The following PTPRN2 variants were observed in gnomAD, a reference collection of about 807,000 sequenced individuals.
PTPRN2 encodes protein tyrosine phosphatase receptor type N2.
Under a neutral mutation model 118.8 loss-of-function variants are expected in PTPRN2, and 74 were observed. That is an observed-to-expected ratio of 0.62 (90% CI 0.52 to 0.76). The LOEUF (loss-of-function observed/expected upper bound fraction) is 0.76, where lower values mean the gene tolerates loss of function less well. Among genes scored for constraint, PTPRN2 ranks in the 30% least tolerant of loss-of-function variants. The probability of loss-of-function intolerance (pLI) is 0.00; values close to 1 mark genes in which losing one functional copy is unlikely to be tolerated. For synonymous variants in PTPRN2, 641 were observed against 608.0 expected (o/e 1.05, Z -0.80); for missense variants, 1,481 against 1,394.4 (o/e 1.06, Z -0.99).
intron 5 of PTPRN2, among the ~76,000 whole-genome samples, chr7:158,170,801 G>T (rs961788639): frequency 2.0e-5 from 3 of 152,102 alleles, no homozygotes; most frequent in African/African-American, 7.2e-5. Flanking sequence ...CTCTGGAGCT[G>T]CCTGGGTTTA....
rs1584919503 is a variant in PTPRN2 at position 157,871,549 on chromosome 7, A to G, written c.1788+27124T>C. Reference sequence around the variant, plus strand: ...CAATGGCATTTGTCTCTATTGGCCGACACCACCCCAGGGCCCCTGAAGAGC... The same window carrying G: ...CAATGGCATTTGTCTCTATTGGCCGGCACCACCCCAGGGCCCCTGAAGAGC... On this transcript the variant is annotated intron_variant, in intron 12 of 22. Coordinates refer to ENST00000389418, the MANE Select transcript of PTPRN2 (RefSeq NM_002847.5). Among the ~76,000 whole-genome samples the G allele has an allele frequency of 2.0e-5, 3 of 152,106 alleles. 1 individual carries two copies. The highest frequency in any genetic ancestry group is 1.3e-4 in the Admixed American group (2 of 15,286).
intron 12 of PTPRN2, among the ~76,000 whole-genome samples, chr7:157,694,030 G>GCCTA (rs1340770791): frequency 6.6e-6 from 1 of 152,280 alleles, no homozygotes; most frequent in Admixed American, 6.5e-5. Flanking sequence ...GCAAGGCGGA[G>GCCTA]CCTAGTACAG....
Position 157,560,646 on chromosome 7 carries a change from C to A in PTPRN2, c.2902+8256G>T, listed in dbSNP as rs1247172398. 6.6e-6 allele frequency among the ~76,000 whole-genome samples: 1 copy of A among 152,184 alleles called. No homozygotes were observed. The highest frequency in any genetic ancestry group is 1.5e-5 in the Non-Finnish European group (1 of 68,030). On this transcript the variant is annotated intron_variant, in intron 21 of 22. Transcript: ENST00000389418. The surrounding 1 kb of genome is among the most constrained non-coding windows in gnomAD (Gnocchi z 6.7). ...AATAAACAACACACAGCAGAGGAGGCCCTGCTCCTGCCCGACCGAAGGCAA... is the reference window on the plus strand; with the variant it reads ...AATAAACAACACACAGCAGAGGAGGACCTGCTCCTGCCCGACCGAAGGCAA...
intron 9 of PTPRN2, among the ~76,000 whole-genome samples, chr7:158,122,393 A>G (rs1159161695): frequency 2.0e-5 from 3 of 152,188 alleles, no homozygotes; most frequent in Non-Finnish European, 4.4e-5. Context: ...AAGAAGTGAC[A>G]GTGTCCCTCT....
chr7:158,258,193 C>A (rs527681466), intron 3 of PTPRN2, among the ~76,000 whole-genome samples: 1 of 152,196 alleles, frequency 6.6e-6, no homozygotes, highest in Non-Finnish European at 1.5e-5. Context: ...GGAGCATTCC[C>A]GACGTCCACA....
chr7:158,130,664 TAC>T (rs369655224), intron 9 of PTPRN2, among the ~76,000 whole-genome samples: 53 of 129,310 alleles, frequency 4.1e-4, no homozygotes, highest in Middle Eastern at 5.3e-3. Flanking sequence ...ACCTGACTCA[TAC>T]ACACACACGT....
intron 11 of PTPRN2, among the ~76,000 whole-genome samples, chr7:157,956,285 G>A (rs76085049): frequency 6.6e-6 from 1 of 152,142 alleles, no homozygotes; most frequent in Non-Finnish European, 1.5e-5. Context: ...ACATCTGGAG[G>A]GGGAGGCTGG....
intron 11 of PTPRN2, among the ~76,000 whole-genome samples, chr7:158,072,175 A>G (rs1811993556): frequency 1.3e-5 from 2 of 151,626 alleles, no homozygotes; most frequent in Non-Finnish European, 2.9e-5. Flanking sequence ...GGTTCTGCTG[A>G]CCAGCGTGCA....
intron 12 of PTPRN2, among the ~76,000 whole-genome samples, chr7:157,895,267 A>G (rs1797044812): frequency 6.6e-6 from 1 of 151,612 alleles, no homozygotes; most frequent in Non-Finnish European, 1.5e-5. Flanking sequence ...GAGACCATAA[A>G]ATAAGCCAGA....
At chr7:158,586,345 G>A (rs1234090442) in intron 1 of PTPRN2, among the ~76,000 whole-genome samples, 1 of 152,218 alleles carries the variant, frequency 6.6e-6, no homozygotes, top group Non-Finnish European at 1.5e-5. Context: ...GGATTTTGAC[G>A]ATAAAGCACT....
intron 6 of PTPRN2, among the ~76,000 whole-genome samples, chr7:158,152,179 A>AAAAAC (rs1821258266): frequency 6.7e-6 from 1 of 149,916 alleles, no homozygotes. Flanking sequence ...GTCTCAAAAA[A>AAAAAC]AAAAAAAAAA....
intron 21 of PTPRN2, among the ~76,000 whole-genome samples, chr7:157,554,363 T>C (rs221278): frequency 0.87 from 7,338 of 8,412 alleles, 3,260 homozygotes; most frequent in Middle Eastern, 0.97. Flanking sequence ...GGCCGGGCGC[T>C]GGATCCTGCC....
At chr7:158,115,224 A>C (rs2150379468) in intron 9 of PTPRN2, among the ~76,000 whole-genome samples, 1 of 152,300 alleles carries the variant, frequency 6.6e-6, no homozygotes, top group East Asian at 1.9e-4. Context: ...CCCTGGATAA[A>C]GAACAGGTTG....
At position 157,768,537 on chromosome 7, in the gene PTPRN2, G is replaced by A. The variant is rs542133769; in HGVS notation, c.1789-85600C>T. Among the ~76,000 whole-genome samples the A allele has an allele frequency of 4.6e-5, 7 of 152,306 alleles. No homozygotes were observed. The East Asian group carries it at 1.4e-3, about 29-fold the overall frequency. On this transcript the variant is annotated intron_variant, in intron 12 of 22. Coordinates refer to ENST00000389418, the MANE Select transcript of PTPRN2 (RefSeq NM_002847.5). The stretch of plus-strand genomic sequence containing the variant: ...GTCTTCAAGGAGCCATGATGGGGAT[G>A]ACGTGAGGCTCCCCAGCTCCTGGAG...
intron 3 of PTPRN2, among the ~76,000 whole-genome samples, chr7:158,273,472 G>GCAGGCACAGGGGGAGCCA (rs1563072722): frequency 2.8e-5 from 2 of 71,642 alleles, no homozygotes; most frequent in African/African-American, 2.5e-4. Context: ...AGGGGGAGCC[G>GCAGGCACAGGGGGAGCCA]CAGGCACAGG....
At chr7:158,434,799 C>G (rs992370458) in intron 2 of PTPRN2, among the ~76,000 whole-genome samples, 1 of 151,670 alleles carries the variant, frequency 6.6e-6, no homozygotes, top group African/African-American at 2.4e-5. Flanking sequence ...GTTAGCTATT[C>G]TTTTTGTGGC....
At chr7:158,421,401 G>A (rs535902727) in intron 2 of PTPRN2, among the ~76,000 whole-genome samples, 301 of 152,308 alleles carry the variant, frequency 2.0e-3, no homozygotes, top group African/African-American at 6.8e-3. Flanking sequence ...TGAGCGGAGG[G>A]CAACGTTTCA....
chr7:158,341,719 G>C (rs1467825277), intron 2 of PTPRN2, among the ~76,000 whole-genome samples: 3 of 133,130 alleles, frequency 2.3e-5, no homozygotes, highest in African/African-American at 9.1e-5. Flanking sequence ...TCTCACCATA[G>C]AGCTGACGCC....
At chr7:157,630,841 A>G (rs1030912798) in intron 14 of PTPRN2, among the ~76,000 whole-genome samples, 4 of 152,210 alleles carry the variant, frequency 2.6e-5, no homozygotes, top group African/African-American at 9.7e-5. Context: ...ATCACATTTT[A>G]AAAACTGCTT....
Sources: allele counts gnomAD v4.1 joint callset (sites outside exome capture counted in the v4.1 genomes callset), GRCh38; gene constraint gnomAD v4.1.1; non-coding constraint Gnocchi (gnomAD v3.1); transcripts MANE v1.5; gene names NCBI Gene and HGNC (gene_info 2026-07-23, HGNC 2026-07-21).